Variants in ANKS1B observed in about 807,000 individuals in gnomAD.
ANKS1B encodes the protein ankyrin repeat and sterile alpha motif domain-containing protein 1B.
ANKS1B carries 36 observed loss-of-function variants against 148.3 expected under a neutral mutation model. The ratio of observed to expected loss-of-function variants is 0.24; its 90% CI spans 0.19 to 0.32. The LOEUF (loss-of-function observed/expected upper bound fraction) is 0.32, where lower values mean the gene tolerates loss of function less well. Ranked by LOEUF, ANKS1B falls within the 10% of genes least tolerant of loss-of-function variation. The pLI is 1.00. For synonymous variants in ANKS1B, 542 were observed against 560.8 expected (o/e 0.97, Z 0.47); for missense variants, 1,157 against 1,542.6 (o/e 0.75, Z 4.19).
At chr12:98,772,582 A>G (rs944091297) in intron 25 of ANKS1B, among the ~76,000 whole-genome samples, 3 of 152,206 alleles carry the variant, frequency 2.0e-5, no homozygotes, top group Non-Finnish European at 2.9e-5. Flanking sequence ...ACTCCCATTT[A>G]TAAAACCATC....
At chr12:99,550,588 C>T (rs2097208750) in intron 9 of ANKS1B, among the ~76,000 whole-genome samples, 2 of 150,484 alleles carry the variant, frequency 1.3e-5, no homozygotes, top group South Asian at 4.2e-4. Flanking sequence ...TGGGCCACTG[C>T]ACTCCAGCCT....
intron 12 of ANKS1B, among the ~76,000 whole-genome samples, chr12:99,261,937 A>G (rs1488794481): frequency 6.6e-6 from 1 of 152,110 alleles, no homozygotes; most frequent in Admixed American, 6.6e-5. Context: ...CTTAAATAAC[A>G]TAAGCTCCTA....
chr12:99,570,341 TA>T (rs72420547), intron 9 of ANKS1B, among the ~76,000 whole-genome samples: 33,884 of 147,128 alleles, frequency 0.23, 3,882 homozygotes, highest in Admixed American at 0.26. Flanking sequence ...ATACTCCAGA[TA>T]AAAAAAAAAA....
intron 4 of ANKS1B, among the ~76,000 whole-genome samples, chr12:99,787,599 C>T (rs528641456): frequency 6.6e-6 from 1 of 152,296 alleles, no homozygotes; most frequent in East Asian, 1.9e-4. Flanking sequence ...TTGTCTTCCC[C>T]ACTGGAACAC....
chr12:99,749,042 T>C (rs1271632131), intron 8 of ANKS1B, among the ~76,000 whole-genome samples: 1 of 152,134 alleles, frequency 6.6e-6, no homozygotes, highest in Admixed American at 6.6e-5. Context: ...TCAAAGCTGA[T>C]TTGTACTGAC....
At chr12:98,842,322 A>C (rs1021940796) in intron 17 of ANKS1B, among the ~76,000 whole-genome samples, 2 of 152,238 alleles carry the variant, frequency 1.3e-5, no homozygotes, top group Admixed American at 1.3e-4. Context: ...GAAGCTGCAC[A>C]CACAAGATGA....
At chr12:98,743,714 A>AGAT (rs2097824650), downstream of ANKS1B, among the ~76,000 whole-genome samples, 1 of 152,236 alleles carries the variant, frequency 6.6e-6, no homozygotes, top group South Asian at 2.1e-4. Context: ...TCTCTTTTAG[A>AGAT]GATGCCTGTT....
At chr12:98,933,493 A>G (rs1361611851) in intron 17 of ANKS1B, among the ~76,000 whole-genome samples, 1 of 152,018 alleles carries the variant, frequency 6.6e-6, no homozygotes, top group African/African-American at 2.4e-5. Flanking sequence ...CCTGATTTCA[A>G]TTTTGGTGGG....
intron 12 of ANKS1B, among the ~76,000 whole-genome samples, chr12:99,318,974 A>C (rs1341330491): frequency 3.3e-5 from 5 of 151,454 alleles, no homozygotes; most frequent in African/African-American, 1.2e-4. Context: ...CATGTAGTTG[A>C]GCGGTTTTGA....
chr12:99,777,404 G>A (rs2153628678), intron 6 of ANKS1B, among the ~76,000 whole-genome samples: 1 of 151,748 alleles, frequency 6.6e-6, no homozygotes, highest in African/African-American at 2.4e-5. Context: ...TGACCATTTA[G>A]GAGAGCAAAG....
At chr12:99,328,152 A>C (rs2086837505) in intron 12 of ANKS1B, among the ~76,000 whole-genome samples, 1 of 152,034 alleles carries the variant, frequency 6.6e-6, no homozygotes. Context: ...CAGGAAATGA[A>C]GGGCCAAAAT....
intron 17 of ANKS1B, among the ~76,000 whole-genome samples, chr12:98,915,613 A>G (rs904589176): frequency 1.3e-5 from 2 of 152,124 alleles, no homozygotes; most frequent in African/African-American, 2.4e-5. Context: ...TTGGCCTCTC[A>G]TAGTGCTGGG....
At chr12:99,533,037 T>C (rs751198283) in intron 9 of ANKS1B, among the ~76,000 whole-genome samples, 10 of 152,222 alleles carry the variant, frequency 6.6e-5, no homozygotes, top group Non-Finnish European at 1.0e-4. Context: ...TGTGAATTTT[T>C]GGATTGTTTC....
At chr12:99,755,008 T>C (rs10778015) in intron 8 of ANKS1B, among the ~76,000 whole-genome samples, 66,261 of 151,164 alleles carry the variant, frequency 0.44, 14,884 homozygotes, top group South Asian at 0.61. Context: ...CAGAGCTGAA[T>C]TTAAGGAGAT....
At chr12:99,090,870 G>A (rs772121963) in intron 15 of ANKS1B, among the ~76,000 whole-genome samples, 2 of 152,028 alleles carry the variant, frequency 1.3e-5, no homozygotes, top group Non-Finnish European at 2.9e-5. Context: ...ATAGAAACAC[G>A]GGTGACTATA....
chr12:99,458,639 G>C (rs557328945), intron 10 of ANKS1B, among the ~76,000 whole-genome samples: 2 of 152,008 alleles, frequency 1.3e-5, no homozygotes, highest in African/African-American at 4.8e-5. Context: ...ACACTTTTAT[G>C]TGCATAAACT....
intron 13 of ANKS1B, among the ~76,000 whole-genome samples, chr12:99,244,892 T>C (rs971995561): frequency 2.6e-5 from 4 of 152,206 alleles, no homozygotes; most frequent in African/African-American, 9.6e-5. Flanking sequence ...TCTCACTGTG[T>C]TGCCCAGGCT....
At chr12:99,306,448 A>G (rs2082357740) in intron 12 of ANKS1B, among the ~76,000 whole-genome samples, 3 of 151,968 alleles carry the variant, frequency 2.0e-5, no homozygotes, top group African/African-American at 4.8e-5. Flanking sequence ...CCCCACCCCC[A>G]TAACTTTCAC....
intron 9 of ANKS1B, among the ~76,000 whole-genome samples, chr12:99,603,934 T>C (rs2097827653): frequency 6.6e-6 from 1 of 152,114 alleles, no homozygotes; most frequent in South Asian, 2.1e-4. Flanking sequence ...TTGTGGAAAT[T>C]CTTACCTAGT....
Sources: gnomAD v4.1 joint callset for allele counts (sites outside exome capture counted in the v4.1 genomes callset) on GRCh38, gnomAD v4.1.1 for gene constraint, MANE v1.5 for transcripts, NCBI Gene and HGNC (gene_info 2026-07-23, HGNC 2026-07-21) for gene names.